The following TOR1B variants were observed in gnomAD, a reference collection of about 807,000 sequenced individuals.
The protein encoded by TOR1B is torsin family 1 member B.
Under a neutral mutation model 29.2 loss-of-function variants are expected in TOR1B, and 14 were observed. That is an observed-to-expected ratio of 0.48 (90% confidence interval 0.32 to 0.75). The LOEUF is 0.75. TOR1B is among the 30% of genes least tolerant of loss of function. The probability of loss-of-function intolerance (pLI) is 0.04; values close to 1 mark genes in which losing one functional copy is unlikely to be tolerated. For missense variants in TOR1B, 400 were observed against 433.9 expected, an observed-to-expected ratio of 0.92 and a Z score of 0.69; for synonymous variants, 166 against 179.8, an observed-to-expected ratio of 0.92 and a Z score of 0.62.
In TOR1B at chr9:129,803,200, T is replaced by G; in HGVS notation, c.-13T>G. Reference sequence around the variant, plus strand: ...GCCTGGCTCAGTGGCTTCTGCGGGCTTCGAGGAGCGGGATGTTGCGGGCTG... The same window carrying G: ...GCCTGGCTCAGTGGCTTCTGCGGGCGTCGAGGAGCGGGATGTTGCGGGCTG... On this transcript the variant is annotated 5_prime_UTR_variant, in exon 1 of 5. Coordinates refer to ENST00000259339, the MANE Select transcript of TOR1B (RefSeq NM_014506.3). 1 of 1,451,482 alleles carries G rather than the reference T, an allele frequency of 6.9e-7. No homozygotes were observed. Among genetic ancestry groups the G allele is most frequent in the Non-Finnish European group, 9.0e-7 (1 of 1,107,190 alleles). The allele number at this position is 1,451,482 out of a possible 1,614,324, so 89.9% of individuals were successfully genotyped here.
At position 129,804,186 on chromosome 9, in the gene TOR1B, C is replaced by G. The variant is rs538352344; in HGVS notation, c.313C>G (p.Leu105Val). 6.2e-7 allele frequency: 1 copy of G among 1,614,208 alleles called. No homozygotes were observed. Among genetic ancestry groups the G allele is most frequent in the South Asian group, 1.1e-5 (1 of 91,080 alleles). ...CAAAAATCCCAAGAAACCACTGACC[C>G]TTTCCTTACACGGCTGGGCTGGCAC... ...NNKNPKKPLT[L>V]SLHGWAGTGK... The change falls in exon 2 of 5, where the codon CTT (leucine) becomes GTT (valine). Residue 105 changes from leucine (L) to valine (V), a missense_variant. Coordinates refer to ENST00000259339, the MANE Select transcript of TOR1B (RefSeq NM_014506.3).
chr9:129,808,161 C>T (rs1490629394), intron 3 of TOR1B, among the ~76,000 whole-genome samples: 1 of 152,138 alleles, frequency 6.6e-6, no homozygotes, highest in African/African-American at 2.4e-5. Context: ...CATGAGAGCA[C>T]ACTTTTTTGT....
chr9:129,804,968 C>G (rs754765115), intron 2 of TOR1B, among the ~76,000 whole-genome samples: 45 of 150,894 alleles, frequency 3.0e-4, no homozygotes, highest in Non-Finnish European at 5.0e-4. Flanking sequence ...GAGACCCCGT[C>G]TCTACTAAAA....
intron 3 of TOR1B, among the ~76,000 whole-genome samples, chr9:129,807,762 C>T (rs941150613): frequency 2.0e-5 from 3 of 151,378 alleles, no homozygotes; most frequent in Middle Eastern, 3.4e-3. Context: ...AAGAGAATGG[C>T]GTGAACCCGG....
Position 129,810,491 on chromosome 9 carries a change from C to A in TOR1B, c.*908C>A. The A allele has an allele frequency of 9.1e-7, 1 of 1,098,326 alleles. No homozygotes were observed. Among genetic ancestry groups the A allele is most frequent in the Non-Finnish European group, 1.1e-6 (1 of 874,144 alleles). 68.0% of individuals were successfully genotyped at this position (1,098,326 alleles called of 1,614,324 possible). A position where few individuals can be genotyped will look rare whatever the true frequency, so the allele number is the denominator to read the frequency against. Reference sequence around the variant, plus strand: ...CTCAGCTGGTATCAGCCCCAGCCTGCCTTGTGCCATATCTCAGCTTGGATC... The same window carrying A: ...CTCAGCTGGTATCAGCCCCAGCCTGACTTGTGCCATATCTCAGCTTGGATC... On this transcript the variant is annotated 3_prime_UTR_variant, in exon 5 of 5. Coordinates refer to ENST00000259339, the MANE Select transcript of TOR1B (RefSeq NM_014506.3).
chr9:129,809,165 G>T, intron 4 of TOR1B, 133 bp downstream of exon 4: 1 of 1,512,832 alleles, frequency 6.6e-7, no homozygotes. Flanking sequence ...TTTTCTTAGG[G>T]CATACTGTGC....
chr9:129,807,189 A>T lies in TOR1B; in HGVS notation c.467A>T (p.Asp156Val), dbSNP rs1425720340. 3.1e-6 allele frequency: 5 copies of T among 1,613,862 alleles called. No individual in the cohort carries two copies. In the South Asian group the frequency reaches 5.5e-5, roughly 18 times the overall value. The change falls in exon 3 of 5, where the codon GAC (aspartate) becomes GTC (valine). Residue 156 changes from aspartate to valine, a missense_variant and splice_region_variant. Asp to Val is a radical substitution (Grantham distance 152). Transcript: ENST00000259339. ...TTTCTTCTTTCATGGTTGGTCCAGG[A>T]CCAGTTACAGAAGTGGATCCGCGGT... ...PHEQKIKLYQ[D>V]QLQKWIRGNV...
intron 4 of TOR1B, 129 bp from the exon 5 acceptor site, chr9:129,809,213 T>C (rs188616691): frequency 8.5e-6 from 13 of 1,538,292 alleles, no homozygotes; most frequent in Admixed American, 2.0e-5. Flanking sequence ...GAGTCCTGCA[T>C]GGGCTTGTTG....
chr9:129,804,454 A>C, intron 2 of TOR1B, 116 bp downstream of exon 2: 1 of 1,375,450 alleles, frequency 7.3e-7, no homozygotes, highest in Non-Finnish European at 9.9e-7. Context: ...CCCCGGCTCC[A>C]CTGAGTTAAG....
Position 129,810,122 on chromosome 9 carries a change from T to C in TOR1B, c.*539T>C. On this transcript the variant is annotated 3_prime_UTR_variant, in exon 5 of 5. Transcript: ENST00000259339. ...TCACAACTAAAGGAGTCCAGGGACT[T>C]GCTGCAGGCTGGGGGGCACTGGGTG... 1 of 1,298,146 alleles carries C rather than the reference T, an allele frequency of 7.7e-7. No homozygotes were observed. Among genetic ancestry groups the C allele is most frequent in the Non-Finnish European group, 1.0e-6 (1 of 984,318 alleles). The allele number at this position is 1,298,146 out of a possible 1,614,324, so 80.4% of individuals were successfully genotyped here. A position where few individuals can be genotyped will look rare whatever the true frequency, so the allele number is the denominator to read the frequency against.
chr9:129,809,796 G>A lies in TOR1B; in HGVS notation c.*213G>A, dbSNP rs939321872. ...TCAACTCACTGCAACCTCCGCTCCCGGTTTGAGTGATTCTCATGCCTCAGC... is the reference window on the plus strand; with the variant it reads ...TCAACTCACTGCAACCTCCGCTCCCAGTTTGAGTGATTCTCATGCCTCAGC... On this transcript the variant is annotated 3_prime_UTR_variant, in exon 5 of 5. Transcript: ENST00000259339. The A allele has an allele frequency of 2.8e-5, 39 of 1,395,390 alleles. No homozygotes were observed. In the African/African-American group the frequency reaches 5.2e-4, roughly 19 times the overall value. 86.4% of individuals were successfully genotyped at this position (1,395,390 alleles called of 1,614,324 possible).
In TOR1B at chr9:129,809,051, A is replaced by G. The variant is rs2030677842; in HGVS notation, c.769+19A>G. ...AAACACAGTGAGTCCACCAGGGTAA[A>G]GGAGCCCCTTAACTGTCCAGCAGTG... is the stretch of plus-strand genomic sequence containing the variant. On this transcript the variant is annotated intron_variant, in intron 4 of 4. Transcript: ENST00000259339. 3.8e-6 allele frequency: 6 copies of G among 1,597,144 alleles called. No individual in the cohort carries two copies. The highest frequency in any genetic ancestry group is 5.1e-6 in the Non-Finnish European group (6 of 1,173,574).
chr9:129,809,125 TG>T (rs369551304), intron 4 of TOR1B, 93 bp downstream of exon 4: 2 of 1,531,018 alleles, frequency 1.3e-6, no homozygotes, highest in African/African-American at 2.8e-5. Flanking sequence ...AGGATCCCAC[TG>T]GATTTCCTCA....
chr9:129,805,102 C>T (rs188578833), intron 2 of TOR1B, among the ~76,000 whole-genome samples: 223 of 149,526 alleles, frequency 1.5e-3, no homozygotes, highest in Middle Eastern at 0.014. Flanking sequence ...CGCGCCACTG[C>T]ACTCCAGCCT....
Position 129,803,252 on chromosome 9 carries a change from G to C in TOR1B, c.40G>C (p.Ala14Pro). 1 of 1,553,902 alleles carries C rather than the reference G, an allele frequency of 6.4e-7. No individual in the cohort carries two copies. The highest frequency in any genetic ancestry group is 8.6e-7 in the Non-Finnish European group (1 of 1,156,608). The change falls in exon 1 of 5, where the codon GCG becomes CCG. Residue 14 changes from alanine (A) to proline (P), a missense_variant. Ala to Pro is a conservative substitution (Grantham distance 27, BLOSUM62 -1). Coordinates refer to ENST00000259339, the MANE Select transcript of TOR1B (RefSeq NM_014506.3). Reference sequence around the variant, plus strand: ...GTGGCTCCGGGGCGCGGCGGCGCTGGCGCTGCTGCTGGCGGCCCGAGTGGT... The same window carrying C: ...GTGGCTCCGGGGCGCGGCGGCGCTGCCGCTGCTGCTGGCGGCCCGAGTGGT... ...AGWLRGAAAL[A>P]LLLAARVVAA...
In TOR1B at chr9:129,810,046, A is replaced by T. The variant is rs1482074852; in HGVS notation, c.*463A>T. 3 of 1,228,110 alleles carry T rather than the reference A, an allele frequency of 2.4e-6. No homozygotes were observed. Among genetic ancestry groups the T allele is most frequent in the Non-Finnish European group, 3.2e-6 (3 of 947,826 alleles). The allele number at this position is 1,228,110 out of a possible 1,614,324, so 76.1% of individuals were successfully genotyped here. On this transcript the variant is annotated 3_prime_UTR_variant, in exon 5 of 5. Transcript: ENST00000259339. ...GTACCTGAAAACAGCTGTGCATGGC[A>T]GGCCCGGCAATAGCTTCTGACCCAC...
rs768949733 is a variant in TOR1B, at chr9:129,804,184, C to T, written c.311C>T (p.Thr104Ile). 6.2e-7 allele frequency: 1 copy of T among 1,614,232 alleles called. No individual in the cohort carries two copies. Among genetic ancestry groups the T allele is most frequent in the Non-Finnish European group, 8.5e-7 (1 of 1,180,046 alleles). Residue 104 changes from threonine to isoleucine, a missense_variant, in exon 2 of 5, where the codon ACC (threonine) becomes ATC (isoleucine). Transcript: ENST00000259339. ...RNNKNPKKPLTLSLHGWAGTG... is the reference protein window; with the variant it reads ...RNNKNPKKPLILSLHGWAGTG... ...AACAAAAATCCCAAGAAACCACTGA[C>T]CCTTTCCTTACACGGCTGGGCTGGC... is the stretch of plus-strand genomic sequence containing the variant.
rs749884382 is a variant in TOR1B, at chr9:129,809,442, C to T, written c.870C>T (p.Ala290=). Residue 290 remains alanine (A), a synonymous_variant, in exon 5 of 5, where the codon GCC becomes GCT. Transcript: ENST00000259339. ...EYRHVKMCVR[A]EMRARGSAID... is the part of the protein sequence containing the mutation. ...GACATGTGAAAATGTGTGTGAGGGC[C>T]GAGATGAGGGCCCGTGGTTCTGCCA... The T allele has an allele frequency of 5.6e-6, 9 of 1,613,954 alleles. No individual in the cohort carries two copies. The highest frequency in any genetic ancestry group is 1.1e-5 in the South Asian group (1 of 91,084).
Position 129,807,426 on chromosome 9 carries a change from T to C in TOR1B, c.641+63T>C, listed in dbSNP as rs1035288222. 8 of 1,581,416 alleles carry C rather than the reference T, an allele frequency of 5.1e-6. No homozygotes were observed. In the African/African-American group the frequency reaches 9.5e-5, roughly 19 times the overall value. On this transcript the variant is annotated intron_variant, in intron 3 of 4. Transcript: ENST00000259339. Reference sequence around the variant, plus strand: ...TCATTCTCTCAATGATAAAATGAGGTCCTGAGGACCATCAGCACTTTGTTT... The same window carrying C: ...TCATTCTCTCAATGATAAAATGAGGCCCTGAGGACCATCAGCACTTTGTTT...
Sources: gnomAD v4.1 joint callset for allele counts (sites outside exome capture counted in the v4.1 genomes callset) on GRCh38, gnomAD v4.1.1 for gene constraint, MANE v1.5 for transcripts, NCBI Gene and HGNC (gene_info 2026-07-23, HGNC 2026-07-21) for gene names.